GFPT1: variants seen among roughly 807,000 people sequenced by gnomAD.
GFPT1 encodes the protein glutamine--fructose-6-phosphate aminotransferase [isomerizing] 1.
In GFPT1, 40 loss-of-function variants were observed where a neutral mutation model predicts 92.0. The observed-to-expected ratio is 0.43, with a 90% CI of 0.34 to 0.57. The LOEUF (loss-of-function observed/expected upper bound fraction) is 0.57. Among genes scored for constraint, GFPT1 ranks in the 20% least tolerant of loss-of-function variants. The pLI, the probability that GFPT1 is intolerant of heterozygous loss-of-function variation, is 0.02. For synonymous variants in GFPT1, 269 were observed against 280.6 expected (o/e 0.96, Z 0.41); for missense variants, 448 against 869.1 (o/e 0.52, Z 6.09).
In GFPT1 at chr2:69,374,076, C is replaced by T. The variant is rs763874345; in HGVS notation, c.45G>A (p.Thr15=). ...TTAGGGTCTCCAGGATTTCTCGTCT[C>T]GTTCGAGGAACATGGTAGTTTAAGT... ...FAYLNYHVPR[T]RREILETLIK... is the part of the protein sequence containing the mutation. The change falls in exon 2 of 20, where the codon ACG becomes ACA. Residue 15 remains threonine, a synonymous_variant. Coordinates refer to ENST00000357308, the MANE Select transcript of GFPT1 (RefSeq NM_001244710.2). 3.6e-5 allele frequency: 57 copies of T among 1,595,884 alleles called. No individual in the cohort carries two copies. The highest frequency in any genetic ancestry group is 4.6e-5 in the Non-Finnish European group (53 of 1,164,660).
At chr2:69,378,055 G>A (rs530870492) in intron 1 of GFPT1, among the ~76,000 whole-genome samples, 3 of 152,090 alleles carry the variant, frequency 2.0e-5, no homozygotes, top group African/African-American at 7.2e-5. Context: ...TCGCTTTGTC[G>A]CCAAGGCTGG....
intron 15 of GFPT1, among the ~76,000 whole-genome samples, chr2:69,335,818 C>G (rs1670779936): frequency 6.6e-6 from 1 of 151,862 alleles, no homozygotes; most frequent in Admixed American, 6.6e-5. Flanking sequence ...CCCAAGAGTT[C>G]GAGACTGGCC....
intron 10 of GFPT1, among the ~76,000 whole-genome samples, chr2:69,348,748 C>T (rs992271494): frequency 3.3e-5 from 5 of 152,250 alleles, no homozygotes; most frequent in South Asian, 2.1e-4. Flanking sequence ...GATCTCTCTC[C>T]GTCCATCCTC....
intron 14 of GFPT1, 97 bp downstream of exon 14, chr2:69,338,348 T>C: frequency 9.9e-7 from 1 of 1,008,896 alleles, no homozygotes; most frequent in South Asian, 1.4e-5. Context: ...TCATCTGCAA[T>C]GCCAGTTTAT....
intron 17 of GFPT1, 112 bp from the exon 18 acceptor site, chr2:69,328,550 T>C (rs1670585465): frequency 5.5e-6 from 4 of 725,228 alleles, no homozygotes; most frequent in Non-Finnish European, 9.7e-6. Flanking sequence ...TATCCAAAAG[T>C]ATTAAAGGAC....
intron 15 of GFPT1, among the ~76,000 whole-genome samples, chr2:69,333,941 T>A (rs6755522): frequency 0.67 from 101,231 of 152,074 alleles, 35,372 homozygotes; most frequent in African/African-American, 0.9. Context: ...GTGGATCACG[T>A]GGTCAGGAGT....
At chr2:69,349,331 A>C (rs954261454) in intron 10 of GFPT1, among the ~76,000 whole-genome samples, 3 of 152,206 alleles carry the variant, frequency 2.0e-5, no homozygotes, top group Admixed American at 2.0e-4. Flanking sequence ...AGTGTATTTA[A>C]GCCATAACTG....
chr2:69,355,061 A>T (rs956743654), intron 7 of GFPT1, among the ~76,000 whole-genome samples: 1 of 151,986 alleles, frequency 6.6e-6, no homozygotes, highest in African/African-American at 2.4e-5. Flanking sequence ...GTTTATTTTT[A>T]TAAATAAACG....
chr2:69,336,713 C>G (rs1325451786), intron 15 of GFPT1, among the ~76,000 whole-genome samples: 1 of 151,878 alleles, frequency 6.6e-6, no homozygotes, highest in South Asian at 2.1e-4. Context: ...CACTTGAGCC[C>G]ATGAGTCTGA....
At chr2:69,356,241 G>A (rs370747619) in intron 7 of GFPT1, among the ~76,000 whole-genome samples, 1 of 152,178 alleles carries the variant, frequency 6.6e-6, no homozygotes, top group East Asian at 1.9e-4. Context: ...TGATCCGCCT[G>A]CCTCGACCTC....
At chr2:69,343,242 A>T (rs1277573505) in intron 12 of GFPT1, among the ~76,000 whole-genome samples, 1 of 152,076 alleles carries the variant, frequency 6.6e-6, no homozygotes, top group African/African-American at 2.4e-5. Flanking sequence ...AAAATTCCCT[A>T]ATCACCCACC....
intron 3 of GFPT1, among the ~76,000 whole-genome samples, chr2:69,366,463 T>C (rs764142463): frequency 6.6e-6 from 1 of 152,172 alleles, no homozygotes; most frequent in Non-Finnish European, 1.5e-5. Flanking sequence ...TCTTCTCCCA[T>C]CTACTGCCAA....
At chr2:69,339,002 T>C (rs970514661) in intron 13 of GFPT1, among the ~76,000 whole-genome samples, 2 of 152,144 alleles carry the variant, frequency 1.3e-5, no homozygotes, top group African/African-American at 4.8e-5. Context: ...GCCAGGATGG[T>C]CTCAATCTCC....
intron 5 of GFPT1, among the ~76,000 whole-genome samples, 164 bp downstream of exon 5, chr2:69,359,104 T>C (rs1454203581): frequency 6.6e-6 from 1 of 152,224 alleles, no homozygotes; most frequent in Non-Finnish European, 1.5e-5. Flanking sequence ...ATTGTTCCAC[T>C]GTTAGCAAAG....
intron 17 of GFPT1, 95 bp from the exon 18 acceptor site, chr2:69,328,533 G>T: frequency 2.4e-6 from 2 of 842,336 alleles, no homozygotes; most frequent in Non-Finnish European, 4.0e-6. Flanking sequence ...TCAAGCCACT[G>T]TCTATCTATC....
At chr2:69,360,328 CAAAAA>C (rs576395697) in intron 4 of GFPT1, among the ~76,000 whole-genome samples, 1 of 78,454 alleles carries the variant, frequency 1.3e-5, no homozygotes. Flanking sequence ...GATTCTGTCT[CAAAAA>C]AAAAAAAAAA....
intron 1 of GFPT1, among the ~76,000 whole-genome samples, chr2:69,382,292 C>A (rs750449775): frequency 3.1e-4 from 47 of 152,194 alleles, no homozygotes; most frequent in Non-Finnish European, 5.3e-4. Context: ...CTAGAACAAT[C>A]TTTATTCAAC....
At chr2:69,370,924 C>T (rs1282834795) in intron 2 of GFPT1, among the ~76,000 whole-genome samples, 5 of 151,594 alleles carry the variant, frequency 3.3e-5, no homozygotes, top group African/African-American at 9.7e-5. Context: ...GGCTTGAACC[C>T]GAGAGGTGGA....
At chr2:69,348,422 TCAATATAAACTCTATCA>T in intron 10 of GFPT1, 88 bp from the exon 11 acceptor site, 1 of 1,049,942 alleles carries the variant, frequency 9.5e-7, no homozygotes. Flanking sequence ...GAACCAAATT[TCAATATAAACTCTATCA>T]CTCTGCAGTA....
Sources: allele counts gnomAD v4.1 joint callset (sites outside exome capture counted in the v4.1 genomes callset), GRCh38; gene constraint gnomAD v4.1.1; transcripts MANE v1.5; gene names NCBI Gene and HGNC (gene_info 2026-07-23, HGNC 2026-07-21).